SMPD3: variants seen among roughly 807,000 people sequenced by gnomAD.
SMPD3 encodes sphingomyelin phosphodiesterase 3.
In SMPD3, 21 loss-of-function variants were observed where a neutral mutation model predicts 55.7. That is an observed-to-expected ratio of 0.38 (90% confidence interval 0.27 to 0.54). SMPD3 has a LOEUF of 0.54. Ranked by LOEUF, SMPD3 falls within the 20% of genes least tolerant of loss-of-function variation. The pLI is 0.80. For missense variants in SMPD3, 842 were observed against 899.6 expected (o/e 0.94, Z 0.82); for synonymous variants, 457 against 404.3 (o/e 1.13, Z -1.56).
intron 3 of SMPD3, among the ~76,000 whole-genome samples, chr16:68,365,982 G>A (rs1209729306): frequency 1.3e-5 from 2 of 152,124 alleles, no homozygotes; most frequent in Non-Finnish European, 2.9e-5. Context: ...CAGAGAGGCC[G>A]CTTACCAGCT....
intron 1 of SMPD3, among the ~76,000 whole-genome samples, chr16:68,392,835 G>GAAAAAAAAAAA (rs60841057): frequency 1.1e-5 from 1 of 88,264 alleles, no homozygotes; most frequent in Non-Finnish European, 2.0e-5. Context: ...CGCTGTCTGG[G>GAAAAAAAAAAA]AAAAAAAAAA....
In SMPD3 at chr16:68,447,470, A is replaced by G. The variant is rs1163365066; in HGVS notation, c.-269+883T>C. Among the ~76,000 whole-genome samples, 1 of 152,142 alleles carries G rather than the reference A, an allele frequency of 6.6e-6. No individual in the cohort carries two copies. On this transcript the variant is annotated intron_variant, in intron 1 of 8. Transcript: ENST00000219334. The surrounding 1 kb of genome is among the most constrained non-coding windows in gnomAD (Gnocchi z 5.1). ...GACTTAGAGCCCCAGGCCTGGATCC[A>G]GGTAGGGAGGGCCTGGGAGATAAGG...
At chr16:68,376,832 A>C (rs1331774269) in intron 2 of SMPD3, among the ~76,000 whole-genome samples, 1 of 152,194 alleles carries the variant, frequency 6.6e-6, no homozygotes, top group African/African-American at 2.4e-5. Flanking sequence ...TTCACCGGCC[A>C]CTGCTTAGCT....
rs746272285 is a variant in SMPD3 at position 68,371,021 on chromosome 16, G to A, written c.1161C>T (p.Tyr387=). 4.2e-5 allele frequency: 67 copies of A among 1,614,224 alleles called. No individual in the cohort carries two copies. Among genetic ancestry groups the A allele is most frequent in the Middle Eastern group, 3.3e-4 (2 of 6,062 alleles). The change falls in exon 3 of 9, where the codon TAC becomes TAT. Residue 387 remains tyrosine (Y), a synonymous_variant. Transcript: ENST00000219334. ...QLHGYFEYIL[Y]DVGVYGCQGC... Reference sequence around the variant, plus strand: ...CCTGGCAGCCGTAGACCCCGACGTCGTACAGGATGTACTCGAAGTAGCCGT... The same window carrying A: ...CCTGGCAGCCGTAGACCCCGACGTCATACAGGATGTACTCGAAGTAGCCGT...
chr16:68,409,600 T>C (rs2090282113), intron 1 of SMPD3, among the ~76,000 whole-genome samples: 1 of 152,154 alleles, frequency 6.6e-6, no homozygotes, highest in African/African-American at 2.4e-5. Context: ...GTCATCATGA[T>C]TGGTTTTTTT....
chr16:68,421,652 G>A (rs932302953), intron 1 of SMPD3, among the ~76,000 whole-genome samples: 1 of 152,178 alleles, frequency 6.6e-6, no homozygotes, highest in Non-Finnish European at 1.5e-5. Context: ...TCTTTGACTT[G>A]GCTAGGGAAT....
intron 1 of SMPD3, among the ~76,000 whole-genome samples, chr16:68,405,545 C>CAAAAAAAAAAAAAA: frequency 1.4e-5 from 1 of 72,988 alleles, no homozygotes; most frequent in Non-Finnish European, 2.7e-5. Context: ...GACCCTGTCT[C>CAAAAAAAAAAAAAA]AAAAAAAAAA....
Position 68,371,759 on chromosome 16 carries a change from G to T in SMPD3, c.423C>A (p.Val141=). 1 of 1,611,600 alleles carries T rather than the reference G, an allele frequency of 6.2e-7. No homozygotes were observed. The highest frequency in any genetic ancestry group is 8.5e-7 in the Non-Finnish European group (1 of 1,179,044). ...GCGCTTGGGTGTTAAAAAGGTTGTT[G>T]ACCCTGGCGAGTGAGTCGGGCAGGA... ...VCLLPDSLAR[V]NNLFNTQARA... Residue 141 remains valine (V), a synonymous_variant, in exon 3 of 9, where the codon GTC becomes GTA. Coordinates refer to ENST00000219334, the MANE Select transcript of SMPD3 (RefSeq NM_018667.4).
chr16:68,447,650 G>T lies in SMPD3; in HGVS notation c.-269+703C>A, dbSNP rs968646933. 6.6e-6 allele frequency among the ~76,000 whole-genome samples: 1 copy of T among 152,198 alleles called. No individual in the cohort carries two copies. Among genetic ancestry groups the T allele is most frequent in the Non-Finnish European group, 1.5e-5 (1 of 68,024 alleles). On this transcript the variant is annotated intron_variant, in intron 1 of 8. Transcript: ENST00000219334. The surrounding 1 kb of genome is among the most constrained non-coding windows in gnomAD (Gnocchi z 5.1). Reference sequence around the variant, plus strand: ...CTCCACCCGCGACTCCGAGAAGGATGGGGAGGGGTCTCCCAGCGTTTCCCT... The same window carrying T: ...CTCCACCCGCGACTCCGAGAAGGATTGGGAGGGGTCTCCCAGCGTTTCCCT...
intron 1 of SMPD3, among the ~76,000 whole-genome samples, chr16:68,438,430 AC>A (rs1206899610): frequency 7.9e-5 from 12 of 152,208 alleles, no homozygotes; most frequent in Non-Finnish European, 1.5e-4. Context: ...GCTTTGAGAC[AC>A]TTGGTGAGCA....
intron 1 of SMPD3, among the ~76,000 whole-genome samples, chr16:68,436,732 G>T (rs1041682052): frequency 1.3e-5 from 2 of 152,188 alleles, no homozygotes; most frequent in Admixed American, 6.5e-5. Flanking sequence ...CATGCCTGTG[G>T]GACGGACACA....
intron 1 of SMPD3, among the ~76,000 whole-genome samples, chr16:68,443,652 A>G (rs1338565544): frequency 2.0e-5 from 3 of 152,210 alleles, no homozygotes; most frequent in Non-Finnish European, 4.4e-5. Flanking sequence ...ATTCTTTGGT[A>G]ACCAAGTTCA....
chr16:68,394,232 C>T (rs2090136438), intron 1 of SMPD3, among the ~76,000 whole-genome samples: 1 of 152,134 alleles, frequency 6.6e-6, no homozygotes, highest in Admixed American at 6.6e-5. Context: ...TACTTTAGGG[C>T]TGTGATACCA....
intron 7 of SMPD3, 85 bp downstream of exon 7, chr16:68,363,411 G>A (rs1236163343): frequency 2.0e-6 from 3 of 1,468,108 alleles, no homozygotes; most frequent in Non-Finnish European, 1.9e-6. Flanking sequence ...CCCGAGCTGA[G>A]CTCTCCCATG....
chr16:68,388,295 C>A (rs1207818226), intron 1 of SMPD3, among the ~76,000 whole-genome samples: 1 of 152,144 alleles, frequency 6.6e-6, no homozygotes, highest in Non-Finnish European at 1.5e-5. Context: ...TCCAGCCTGC[C>A]GGGAAGCAGA....
Position 68,371,422 on chromosome 16 carries a change from G to A in SMPD3, c.760C>T (p.Arg254Trp), listed in dbSNP as rs753864423. ...IVRIGGEEGG[R>W]PPEADDPVPG... Reference sequence around the variant, plus strand: ...ACAGGGTCGTCAGCTTCAGGTGGCCGGCCGCCCTCCTCGCCACCGATGCGC... The same window carrying A: ...ACAGGGTCGTCAGCTTCAGGTGGCCAGCCGCCCTCCTCGCCACCGATGCGC... The change falls in exon 3 of 9, where the codon CGG becomes TGG. Residue 254 changes from arginine to tryptophan, a missense_variant. Physicochemically the swap from Arg to Trp is moderately radical, Grantham distance 101. Around this residue, in one of 2 missense-constraint regions of SMPD3, gnomAD observed 649 missense variants for 643.6 expected, o/e 1.01. Transcript: ENST00000219334. 42 of 1,572,186 alleles carry A rather than the reference G, an allele frequency of 2.7e-5. No homozygotes were observed. The highest frequency in any genetic ancestry group is 3.3e-5 in the Non-Finnish European group (38 of 1,167,298).
At chr16:68,386,183 C>G (rs1567795582) in intron 2 of SMPD3, among the ~76,000 whole-genome samples, 1 of 150,936 alleles carries the variant, frequency 6.6e-6, no homozygotes, top group Non-Finnish European at 1.5e-5. Flanking sequence ...GATTGCACCA[C>G]TGCACTCCAG....
At chr16:68,368,345 G>C (rs1279384715) in intron 3 of SMPD3, 2 of 152,452 alleles carry the variant, frequency 1.3e-5, no homozygotes, top group Non-Finnish European at 2.9e-5. Flanking sequence ...CGGGGGCAGG[G>C]GGGCGGGAGG....
intron 8 of SMPD3, 133 bp downstream of exon 8, chr16:68,361,470 C>A: frequency 7.0e-7 from 1 of 1,431,408 alleles, no homozygotes; most frequent in Non-Finnish European, 9.6e-7. Context: ...CCCTAAGGGT[C>A]TGAGGGAGTG....
Sources: gnomAD v4.1 joint callset for allele counts (sites outside exome capture counted in the v4.1 genomes callset) on GRCh38, gnomAD v4.1.1 for gene constraint, gnomAD v4.1.1 regional missense constraint, Gnocchi (gnomAD v3.1) non-coding constraint, MANE v1.5 for transcripts, NCBI Gene and HGNC (gene_info 2026-07-23, HGNC 2026-07-21) for gene names.